SNRPB2: variants seen among roughly 807,000 people sequenced by gnomAD.
SNRPB2 encodes U2 small nuclear ribonucleoprotein B''.
In SNRPB2, 16 loss-of-function variants were observed where a neutral mutation model predicts 26.3. That is an observed-to-expected ratio of 0.61 (90% CI 0.41 to 0.92). The LOEUF (loss-of-function observed/expected upper bound fraction) is 0.92, where lower values mean the gene tolerates loss of function less well. SNRPB2 is among the 40% of genes least tolerant of loss of function. The pLI is 0.00. For synonymous variants in SNRPB2, 75 were observed against 89.0 expected (o/e 0.84, Z 0.88); for missense variants, 179 against 268.1 (o/e 0.67, Z 2.32).
At chr20:16,738,943 T>A (rs750759759) in intron 5 of SNRPB2, 41 bp downstream of exon 5, 1 of 1,368,596 alleles carries the variant, frequency 7.3e-7, no homozygotes, top group Admixed American at 1.7e-5. Flanking sequence ...AAAATAAGAT[T>A]GTAAAAATTA....
rs544054595 is a variant in SNRPB2, at chr20:16,731,063, AGC to A, written c.-35-604_-35-603del. 7.5e-3 allele frequency: 1,139 copies of A among 152,558 alleles called. 8 individuals are homozygous for A. The highest frequency in any genetic ancestry group is 0.012 in the Non-Finnish European group (834 of 68,218). The allele number at this position is 152,558 out of a possible 1,614,324, so 9.5% of individuals were successfully genotyped here. A position where few individuals can be genotyped will look rare whatever the true frequency, so the allele number is the denominator to read the frequency against. On this transcript the variant is annotated intron_variant, in intron 1 of 6. Coordinates refer to ENST00000246071, the MANE Select transcript of SNRPB2 (RefSeq NM_003092.5). ...GTTAAGGAACTTCCCTCAGGCAAAC[AGC>A]TAGTAAGAAGCATAAATAGGATTTG...
At position 16,741,872 on chromosome 20, in the gene SNRPB2, C is replaced by G. The variant is rs1002717887; in HGVS notation, c.*867C>G. On this transcript the variant is annotated 3_prime_UTR_variant, in exon 7 of 7. Transcript: ENST00000246071. ...TGATTTATGTTTAAGGCTATTGATT[C>G]AGTCCTCTGCTGAGTAAACCATGGG... 5.9e-5 allele frequency: 9 copies of G among 152,174 alleles called. No individual in the cohort carries two copies. Among genetic ancestry groups the G allele is most frequent in the African/African-American group, 1.9e-4 (8 of 41,438 alleles). 9.4% of individuals were successfully genotyped at this position (152,174 alleles called of 1,614,324 possible).
chr20:16,739,905 A>ATT (rs200518385), intron 5 of SNRPB2, among the ~76,000 whole-genome samples: 78 of 139,350 alleles, frequency 5.6e-4, no homozygotes, highest in South Asian at 3.1e-3. Context: ...TCTAGTTCCA[A>ATT]TTTTTTTTTT....
chr20:16,731,867 T>G, intron 2 of SNRPB2, 101 bp downstream of exon 2: 1 of 1,534,346 alleles, frequency 6.5e-7, no homozygotes, highest in South Asian at 1.2e-5. Flanking sequence ...ATCATCTTAG[T>G]GCCTGAAATA....
At chr20:16,737,135 G>T in intron 3 of SNRPB2, 126 bp from the exon 4 acceptor site, 5 of 680,360 alleles carry the variant, frequency 7.3e-6, no homozygotes, top group Non-Finnish European at 1.2e-5. Flanking sequence ...TATTCTGACA[G>T]ATTTTCTTAG....
intron 3 of SNRPB2, among the ~76,000 whole-genome samples, chr20:16,733,775 G>A (rs748776298): frequency 6.6e-6 from 1 of 151,988 alleles, no homozygotes; most frequent in Non-Finnish European, 1.5e-5. Context: ...CTTTTTTTCT[G>A]TTATTAGAGC....
intron 4 of SNRPB2, 66 bp from the exon 5 acceptor site, chr20:16,738,780 TTATAAA>T (rs1378140332): frequency 6.2e-6 from 5 of 807,248 alleles, no homozygotes; most frequent in African/African-American, 3.4e-5. Context: ...AATGCAGTAA[TTATAAA>T]TATAAATACC....
At chr20:16,737,201 A>T in intron 3 of SNRPB2, 60 bp from the exon 4 acceptor site, 1 of 1,313,764 alleles carries the variant, frequency 7.6e-7, no homozygotes, top group Non-Finnish European at 1.0e-6. Context: ...TGAAATATTA[A>T]TGACTAGTGT....
In SNRPB2 at chr20:16,740,348, T is replaced by C; in HGVS notation, c.453T>C (p.Tyr151=). 6.2e-7 allele frequency: 1 copy of C among 1,611,576 alleles called. No individual in the cohort carries two copies. Among genetic ancestry groups the C allele is most frequent in the Non-Finnish European group, 8.5e-7 (1 of 1,178,862 alleles). The change falls in exon 6 of 7, where the codon TAT becomes TAC. Residue 151 remains tyrosine (Y), a synonymous_variant. Coordinates refer to ENST00000246071, the MANE Select transcript of SNRPB2 (RefSeq NM_003092.5). Reference sequence around the variant, plus strand: ...AGGTCCCTGATTACCCTCCAAACTATATTTTATTCCTTAATAACTTACCAG... The same window carrying C: ...AGGTCCCTGATTACCCTCCAAACTACATTTTATTCCTTAATAACTTACCAG... ...NPQVPDYPPN[Y]ILFLNNLPEE...
At chr20:16,732,084 A>G in intron 2 of SNRPB2, 80 bp from the exon 3 acceptor site, 2 of 803,886 alleles carry the variant, frequency 2.5e-6, no homozygotes, top group Middle Eastern at 3.6e-4. Flanking sequence ...TGGGGGGGGC[A>G]ACTCAATGCA....
chr20:16,741,103 A>G lies in SNRPB2; in HGVS notation c.*98A>G. The stretch of plus-strand genomic sequence containing the variant: ...ATTTTAATAGTTAGAGATGAGGAGG[A>G]GTAAAAGTGAAATTTTTGTGAAGGA... On this transcript the variant is annotated 3_prime_UTR_variant, in exon 7 of 7. Coordinates refer to ENST00000246071, the MANE Select transcript of SNRPB2 (RefSeq NM_003092.5). 1 of 849,788 alleles carries G rather than the reference A, an allele frequency of 1.2e-6. No individual in the cohort carries two copies. The highest frequency in any genetic ancestry group is 2.4e-5 in the South Asian group (1 of 42,042). The allele number at this position is 849,788 out of a possible 1,614,324, so 52.6% of individuals were successfully genotyped here. A position where few individuals can be genotyped will look rare whatever the true frequency, so the allele number is the denominator to read the frequency against.
intron 4 of SNRPB2, 46 bp downstream of exon 4, chr20:16,737,447 TTGATAGA>T (rs748193829): frequency 1.3e-6 from 2 of 1,516,522 alleles, no homozygotes; most frequent in Non-Finnish European, 1.8e-6. Flanking sequence ...TGTTAAAAAC[TTGATAGA>T]TGCTTGTCTT....
At chr20:16,739,296 C>T (rs2072448201) in intron 5 of SNRPB2, among the ~76,000 whole-genome samples, 1 of 152,112 alleles carries the variant, frequency 6.6e-6, no homozygotes, top group Admixed American at 6.6e-5. Context: ...TACAGTGTTA[C>T]ACTCTTTGGG....
At chr20:16,734,595 C>T (rs920658458) in intron 3 of SNRPB2, among the ~76,000 whole-genome samples, 2 of 152,194 alleles carry the variant, frequency 1.3e-5, no homozygotes, top group African/African-American at 4.8e-5. Context: ...ACTAGCGTTT[C>T]TCAACCCTGT....
At chr20:16,738,077 C>CA (rs959218033) in intron 4 of SNRPB2, among the ~76,000 whole-genome samples, 3 of 142,168 alleles carry the variant, frequency 2.1e-5, no homozygotes, top group South Asian at 2.3e-4. Context: ...AAAAAACAAA[C>CA]AAAAAAAACA....
In SNRPB2 at chr20:16,740,830, T is replaced by C. The variant is rs780847892; in HGVS notation, c.519-16T>C. ...ATGTACTTGCTGTATACATGAATTGTTTTTCTTCTTTATAGGTTCCCTGGC... is the reference window on the plus strand; with the variant it reads ...ATGTACTTGCTGTATACATGAATTGCTTTTCTTCTTTATAGGTTCCCTGGC... On this transcript the variant is annotated splice_polypyrimidine_tract_variant and intron_variant, in intron 6 of 6. Coordinates refer to ENST00000246071, the MANE Select transcript of SNRPB2 (RefSeq NM_003092.5). 2 of 1,594,858 alleles carry C rather than the reference T, an allele frequency of 1.3e-6. No individual in the cohort carries two copies. Among genetic ancestry groups the C allele is most frequent in the Admixed American group, 1.7e-5 (1 of 59,232 alleles).
intron 3 of SNRPB2, among the ~76,000 whole-genome samples, chr20:16,732,989 CAG>C (rs2072402843): frequency 6.6e-6 from 1 of 152,178 alleles, no homozygotes; most frequent in African/African-American, 2.4e-5. Flanking sequence ...AGGGTGACCA[CAG>C]AGTGTGAAGC....
At chr20:16,735,529 ATG>A (rs1411812494) in intron 3 of SNRPB2, among the ~76,000 whole-genome samples, 1 of 152,208 alleles carries the variant, frequency 6.6e-6, no homozygotes, top group Non-Finnish European at 1.5e-5. Flanking sequence ...GCTACTCAAA[ATG>A]TGGTCCCCAT....
chr20:16,740,786 T>A, intron 6 of SNRPB2, 60 bp from the exon 7 acceptor site: 2 of 1,326,930 alleles, frequency 1.5e-6, no homozygotes, highest in Non-Finnish European at 2.1e-6. Flanking sequence ...TAACAAATTT[T>A]AACACAAAGC....
Sources: gnomAD v4.1 joint callset for allele counts (sites outside exome capture counted in the v4.1 genomes callset) on GRCh38, gnomAD v4.1.1 for gene constraint, MANE v1.5 for transcripts, NCBI Gene and HGNC (gene_info 2026-07-23, HGNC 2026-07-21) for gene names.